The following TP63 variants were observed in gnomAD, a reference collection of about 807,000 sequenced individuals.
TP63 encodes tumor protein 63.
A neutral mutation model predicts 82.8 loss-of-function variants in TP63; 17 were observed. That is an observed-to-expected ratio of 0.21 (90% confidence interval 0.14 to 0.31). The LOEUF (loss-of-function observed/expected upper bound fraction) is 0.31. TP63 is among the 10% of genes least tolerant of loss of function. The pLI is 1.00. For synonymous variants in TP63, 330 were observed against 321.7 expected (o/e 1.03, Z -0.28); for missense variants, 648 against 895.3 (o/e 0.72, Z 3.52).
chr3:189,731,406 A>T (rs1221439972), intron 1 of TP63, among the ~76,000 whole-genome samples: 1 of 152,170 alleles, frequency 6.6e-6, no homozygotes, highest in Non-Finnish European at 1.5e-5. Flanking sequence ...TGAACCAGTG[A>T]ACCAGTTCTT....
intron 4 of TP63, among the ~76,000 whole-genome samples, chr3:189,842,061 G>T (rs373564022): frequency 6.6e-6 from 1 of 152,180 alleles, no homozygotes; most frequent in African/African-American, 2.4e-5. Flanking sequence ...GTAGTAGCCC[G>T]CGGTTTTGCA....
intron 1 of TP63, among the ~76,000 whole-genome samples, chr3:189,691,687 C>T (rs1408763068): frequency 6.6e-6 from 1 of 152,130 alleles, no homozygotes; most frequent in Non-Finnish European, 1.5e-5. Context: ...AAAAGGAAAG[C>T]ATGTTTCTCA....
intron 3 of TP63, among the ~76,000 whole-genome samples, chr3:189,762,025 T>C (rs1284597480): frequency 1.3e-5 from 2 of 152,194 alleles, no homozygotes; most frequent in African/African-American, 4.8e-5. Flanking sequence ...CAGGTGGGAA[T>C]AGGAAAGCTA....
chr3:189,829,952 A>G (rs1363826371), intron 4 of TP63: 1 of 351,044 alleles, frequency 2.8e-6, no homozygotes, highest in Non-Finnish European at 5.8e-6. Context: ...GATATACAAT[A>G]TTTTCTTAAA....
At chr3:189,620,769 T>C in the TP63 span, among the ~76,000 whole-genome samples, 1 of 152,120 alleles carries the variant, frequency 6.6e-6, no homozygotes, top group Admixed American at 6.6e-5. Context: ...GACAGCAGAG[T>C]GAATCCAAGG....
intron 3 of TP63, among the ~76,000 whole-genome samples, chr3:189,761,588 C>T (rs1343665026): frequency 1.3e-5 from 2 of 152,166 alleles, no homozygotes; most frequent in Non-Finnish European, 2.9e-5. Context: ...AAGTTCCAAA[C>T]TTCCCTGCAT....
In TP63 at chr3:189,877,189, A is replaced by G. The variant is rs183822890; in HGVS notation, c.1349+4194A>G. Reference sequence around the variant, plus strand: ...TATAGATACAAGTAGGCTTTATATTACGAAGAAATGTGATTTTAGTTGATT... The same window carrying G: ...TATAGATACAAGTAGGCTTTATATTGCGAAGAAATGTGATTTTAGTTGATT... On this transcript the variant is annotated intron_variant, in intron 10 of 13. Transcript: ENST00000264731. Among the ~76,000 whole-genome samples the G allele has an allele frequency of 2.6e-5, 4 of 152,348 alleles. 1 individual carries two copies. Among genetic ancestry groups the G allele is most frequent in the Admixed American group, 2.6e-4 (4 of 15,306 alleles).
At chr3:189,794,235 T>TA (rs1275277570) in intron 3 of TP63, among the ~76,000 whole-genome samples, 1 of 152,072 alleles carries the variant, frequency 6.6e-6, no homozygotes, top group Non-Finnish European at 1.5e-5. Flanking sequence ...CAATTATATG[T>TA]AAAATGGTAT....
chr3:189,691,338 CAAA>C (rs781098833), intron 1 of TP63, among the ~76,000 whole-genome samples: 224 of 67,090 alleles, frequency 3.3e-3, no homozygotes, highest in African/African-American at 0.012. Flanking sequence ...GACTCCATCT[CAAA>C]AAAAAAAAAA....
intron 10 of TP63, among the ~76,000 whole-genome samples, chr3:189,878,516 G>C (rs151049723): frequency 6.7e-6 from 1 of 148,838 alleles, no homozygotes; most frequent in East Asian, 2.0e-4. Context: ...AGCCTCCTGC[G>C]TAGCTGGGAT....
chr3:189,868,400 G>A (rs1317006446), intron 7 of TP63, among the ~76,000 whole-genome samples, 180 bp from the exon 8 acceptor site: 1 of 152,184 alleles, frequency 6.6e-6, no homozygotes, highest in Non-Finnish European at 1.5e-5. Context: ...AATATTACTT[G>A]TGGCATGTTA....
At chr3:189,776,281 C>T (rs868573539) in intron 3 of TP63, among the ~76,000 whole-genome samples, 5 of 152,046 alleles carry the variant, frequency 3.3e-5, no homozygotes, top group Admixed American at 6.5e-5. Flanking sequence ...TTACAATAAG[C>T]CCGACATTCG....
At chr3:189,776,162 G>A (rs543912512) in intron 3 of TP63, among the ~76,000 whole-genome samples, 1 of 152,268 alleles carries the variant, frequency 6.6e-6, no homozygotes, top group East Asian at 1.9e-4. Context: ...ATTTCATATT[G>A]TCTTTCTCTA....
chr3:189,639,474 T>C (rs1374908587), intron 1 of TP63, among the ~76,000 whole-genome samples: 1 of 152,180 alleles, frequency 6.6e-6, no homozygotes, highest in Non-Finnish European at 1.5e-5. Flanking sequence ...TTATGGTGAA[T>C]TAGATTATTT....
At chr3:189,753,925 C>T (rs982856506) in intron 3 of TP63, among the ~76,000 whole-genome samples, 1 of 152,068 alleles carries the variant, frequency 6.6e-6, no homozygotes, top group Non-Finnish European at 1.5e-5. Flanking sequence ...AAGGTAGAAA[C>T]ATTACCATAA....
the TP63 span, among the ~76,000 whole-genome samples, chr3:189,604,878 G>T: frequency 3.3e-5 from 5 of 152,090 alleles, no homozygotes; most frequent in South Asian, 4.2e-4. Flanking sequence ...ACTTTACATG[G>T]TTTATTTACC....
chr3:189,656,938 G>A (rs1159493038), intron 1 of TP63, among the ~76,000 whole-genome samples: 1 of 27,558 alleles, frequency 3.6e-5, no homozygotes. Flanking sequence ...TCTTCAACAA[G>A]TGAGTGAATA....
chr3:189,821,566 A>G (rs1447842883), intron 4 of TP63, among the ~76,000 whole-genome samples: 1 of 152,218 alleles, frequency 6.6e-6, no homozygotes, highest in Non-Finnish European at 1.5e-5. Flanking sequence ...CTATATGAAC[A>G]GTGAGAGAGG....
At chr3:189,860,074 G>A (rs141529499) in intron 4 of TP63, among the ~76,000 whole-genome samples, 2 of 152,152 alleles carry the variant, frequency 1.3e-5, no homozygotes, top group African/African-American at 4.8e-5. Context: ...CATTTGTCAA[G>A]CCATCAGCTT....
Sources: gnomAD v4.1 joint callset for allele counts (sites outside exome capture counted in the v4.1 genomes callset) on GRCh38, gnomAD v4.1.1 for gene constraint, MANE v1.5 for transcripts, NCBI Gene and HGNC (gene_info 2026-07-23, HGNC 2026-07-21) for gene names.